INO80D: variants seen among roughly 807,000 people sequenced by gnomAD.
The protein encoded by INO80D is INO80 complex subunit D.
INO80D carries 21 observed loss-of-function variants against 87.6 expected under a neutral mutation model. The ratio of observed to expected loss-of-function variants is 0.24; its 90% CI spans 0.17 to 0.35. INO80D has a LOEUF of 0.35. Ranked by LOEUF, INO80D falls within the 10% of genes least tolerant of loss-of-function variation. INO80D has a pLI of 1.00. For missense variants in INO80D, 982 were observed against 1,280.7 expected, an observed-to-expected ratio of 0.77 and a Z score of 3.56; for synonymous variants, 440 against 491.0, an observed-to-expected ratio of 0.90 and a Z score of 1.37.
intron 1 of INO80D, among the ~76,000 whole-genome samples, chr2:206,070,710 G>A (rs973237791): frequency 6.6e-5 from 10 of 151,376 alleles, no homozygotes; most frequent in Non-Finnish European, 8.8e-5. Flanking sequence ...GCAAGACTCC[G>A]TCTCAAAAAA....
chr2:206,014,828 G>A (rs1014125728), intron 8 of INO80D, among the ~76,000 whole-genome samples: 1 of 152,114 alleles, frequency 6.6e-6, no homozygotes, highest in African/African-American at 2.4e-5. Context: ...AGAAAAATGT[G>A]GGAAAGTTTG....
chr2:206,004,967 G>A lies in INO80D; in HGVS notation c.2485C>T (p.His829Tyr), dbSNP rs1687985060. ...GACGGCACATGCTCACTATCATAAT[G>A]GCTTCCATGGGGTGAGGAGTGTGAG... The part of the protein sequence containing the change: ...DHSHSSPHGS[H>Y]YDSEHVPSPY... Residue 829 changes from histidine (H) to tyrosine (Y), a missense_variant, in exon 11 of 11, where the codon CAT becomes TAT. Coordinates refer to ENST00000403263, the MANE Select transcript of INO80D (RefSeq NM_017759.5). The surrounding 1 kb of genome is among the most constrained non-coding windows in gnomAD (Gnocchi z 4.9). 4 of 1,614,018 alleles carry A rather than the reference G, an allele frequency of 2.5e-6. No homozygotes were observed. Among genetic ancestry groups the A allele is most frequent in the Non-Finnish European group, 3.4e-6 (4 of 1,179,886 alleles).
At chr2:206,021,120 G>C (rs1166128671) in intron 6 of INO80D, among the ~76,000 whole-genome samples, 1 of 152,124 alleles carries the variant, frequency 6.6e-6, no homozygotes, top group African/African-American at 2.4e-5. Context: ...ACAAGTCTGA[G>C]TATGAGGAAA....
At chr2:206,021,637 G>A (rs1216817878) in intron 6 of INO80D, among the ~76,000 whole-genome samples, 6 of 151,996 alleles carry the variant, frequency 3.9e-5, no homozygotes, top group South Asian at 2.1e-4. Flanking sequence ...ATTTTGAGAC[G>A]GAGTTTTGCT....
chr2:206,021,194 T>G (rs1280814354), intron 6 of INO80D, among the ~76,000 whole-genome samples: 1 of 152,222 alleles, frequency 6.6e-6, no homozygotes, highest in African/African-American at 2.4e-5. Flanking sequence ...TTGAGTTGTT[T>G]GTTTCTAGTA....
In INO80D at chr2:206,019,840, C is replaced by G. The variant is rs375971675; in HGVS notation, c.1304G>C (p.Ser435Thr). 2.5e-6 allele frequency: 4 copies of G among 1,613,224 alleles called. No individual in the cohort carries two copies. The African/African-American group carries it at 5.3e-5, about 22-fold the overall frequency. ...RRAACSRTSI[S>T]RTKLREVEPA... ...TTCCACCTCCCTCAGCTTGGTCCGGCTTATGCTAAGGAAAGAAAAACAGAG... is the reference window on the plus strand; with the variant it reads ...TTCCACCTCCCTCAGCTTGGTCCGGGTTATGCTAAGGAAAGAAAAACAGAG... Residue 435 changes from serine (S) to threonine (T), a missense_variant, in exon 7 of 11, where the codon AGC becomes ACC. Transcript: ENST00000403263.
rs746344310 is a variant in INO80D, at chr2:206,004,993, T to A, written c.2459A>T (p.His820Leu). Reference sequence around the variant, plus strand: ...GCTTCCATGGGGTGAGGAGTGTGAGTGATCACTGCTGTATTGCTGTCGTGA... The same window carrying A: ...GCTTCCATGGGGTGAGGAGTGTGAGAGATCACTGCTGTATTGCTGTCGTGA... Reference protein sequence around the residue: ...ITSRQQYSSDHSHSSPHGSHY... With the variant: ...ITSRQQYSSDLSHSSPHGSHY... Residue 820 changes from histidine to leucine, a missense_variant, in exon 11 of 11, where the codon CAC (histidine) becomes CTC (leucine). Transcript: ENST00000403263. This position sits in a 1 kb window ranked among gnomAD's most constrained non-coding sequence, Gnocchi z 4.9. 1 of 1,613,852 alleles carries A rather than the reference T, an allele frequency of 6.2e-7. No individual in the cohort carries two copies. The highest frequency in any genetic ancestry group is 8.5e-7 in the Non-Finnish European group (1 of 1,179,852).
intron 4 of INO80D, among the ~76,000 whole-genome samples, chr2:206,054,453 C>T (rs1014895050): frequency 2.6e-5 from 4 of 152,182 alleles, no homozygotes. Flanking sequence ...TATATCCTTA[C>T]ATTTTGATTT....
At chr2:206,084,268 CACA>C (rs754224990) in intron 1 of INO80D, among the ~76,000 whole-genome samples, 1,957 of 147,530 alleles carry the variant, frequency 0.013, 19 homozygotes, top group Non-Finnish European at 0.021. Context: ...CACACACACA[CACA>C]CACCCCAAAA....
intron 5 of INO80D, 33 bp downstream of exon 5, chr2:206,046,471 A>AG (rs773558971): frequency 7.5e-6 from 11 of 1,464,642 alleles, no homozygotes; most frequent in Non-Finnish European, 1.1e-5. Context: ...CCGTCTCAAA[A>AG]AAAAAAGAAT....
At position 206,005,295 on chromosome 2, in the gene INO80D, C is replaced by A. The variant is rs759114347; in HGVS notation, c.2157G>T (p.Gly719=). ...TAGAAAAATTATCATGTACTATACGCCCATTCAATAGCTCCCCTAGGTCTG... is the reference window on the plus strand; with the variant it reads ...TAGAAAAATTATCATGTACTATACGACCATTCAATAGCTCCCCTAGGTCTG... The part of the protein sequence containing the change: ...VNTDLGELLN[G]RIVHDNFSSL... The change falls in exon 11 of 11, where the codon GGG becomes GGT. Residue 719 remains glycine (G), a synonymous_variant. Transcript: ENST00000403263. 1 of 1,613,906 alleles carries A rather than the reference C, an allele frequency of 6.2e-7. No homozygotes were observed. The highest frequency in any genetic ancestry group is 1.3e-5 in the African/African-American group (1 of 74,918).
At chr2:206,052,732 C>T (rs1026516453) in intron 4 of INO80D, among the ~76,000 whole-genome samples, 3 of 150,998 alleles carry the variant, frequency 2.0e-5, no homozygotes, top group Admixed American at 2.0e-4. Flanking sequence ...GTCAAGGCAG[C>T]AGTGAGCCAT....
chr2:206,063,257 C>A lies in INO80D; in HGVS notation c.-123-13G>T. 5.6e-6 allele frequency: 3 copies of A among 539,496 alleles called. No individual in the cohort carries two copies. Among genetic ancestry groups the A allele is most frequent in the Admixed American group, 4.0e-5 (1 of 24,982 alleles). The allele number at this position is 539,496 out of a possible 1,614,324, so 33.4% of individuals were successfully genotyped here. ...TGAAGCAGATTGTCTATAAAAATAT[C>A]AAAAGGCCTAGTTAACAAACAGAAA... is the stretch of plus-strand genomic sequence containing the variant. On this transcript the variant is annotated splice_polypyrimidine_tract_variant and intron_variant, in intron 1 of 10. Transcript: ENST00000403263.
At chr2:206,076,363 G>A (rs1470288652) in intron 1 of INO80D, among the ~76,000 whole-genome samples, 1 of 152,106 alleles carries the variant, frequency 6.6e-6, no homozygotes, top group African/African-American at 2.4e-5. Context: ...TCCATGTTAT[G>A]TACTTTTTAA....
intron 1 of INO80D, among the ~76,000 whole-genome samples, chr2:206,072,236 T>G (rs1249062002): frequency 1.3e-5 from 2 of 152,016 alleles, no homozygotes; most frequent in African/African-American, 4.8e-5. Context: ...TCACTGCACT[T>G]AATAGCACTA....
chr2:206,074,343 G>A (rs1559465502), intron 1 of INO80D, among the ~76,000 whole-genome samples: 1 of 152,208 alleles, frequency 6.6e-6, no homozygotes, highest in African/African-American at 2.4e-5. Flanking sequence ...GCCGGGCACG[G>A]AGGGTCACGC....
In INO80D at chr2:206,056,528, G is replaced by T. The variant is rs1559456521; in HGVS notation, c.634C>A (p.Leu212Met). ...TTTAAAGAAGTAGATAAAGGTGACA[G>T]GTGGGAGTGCTGCTGCGGAGGCTGC... ...QQQPPQQHSH[L>M]SPLSTSLKPP... Residue 212 changes from leucine (L) to methionine (M), a missense_variant, in exon 4 of 11, where the codon CTG becomes ATG. Physicochemically the swap from Leu to Met is conservative, Grantham distance 15. Coordinates refer to ENST00000403263, the MANE Select transcript of INO80D (RefSeq NM_017759.5). The T allele has an allele frequency of 1.9e-6, 3 of 1,613,426 alleles. No homozygotes were observed. The highest frequency in any genetic ancestry group is 2.5e-6 in the Non-Finnish European group (3 of 1,179,632).
chr2:206,029,190 C>G (rs902800555), intron 5 of INO80D, among the ~76,000 whole-genome samples: 7 of 152,038 alleles, frequency 4.6e-5, no homozygotes, highest in Admixed American at 3.9e-4. Flanking sequence ...GCCCGGCCTT[C>G]TACCATGTAT....
In INO80D at chr2:206,083,697, T is replaced by C. The variant is rs188854743; in HGVS notation, c.-124+2204A>G. On this transcript the variant is annotated intron_variant, in intron 1 of 10. Transcript: ENST00000403263. ...TTCGAAGCCTCACGGAAGTCAGCAC[T>C]GAAAGTCGTGGGTGACCCATTGCCC... 3.9e-5 allele frequency among the ~76,000 whole-genome samples: 6 copies of C among 152,170 alleles called. No individual in the cohort carries two copies. In the East Asian group the frequency reaches 1.2e-3, roughly 30 times the overall value.
Sources: gnomAD v4.1 joint callset for allele counts (sites outside exome capture counted in the v4.1 genomes callset) on GRCh38, gnomAD v4.1.1 for gene constraint, Gnocchi (gnomAD v3.1) non-coding constraint, MANE v1.5 for transcripts, NCBI Gene and HGNC (gene_info 2026-07-23, HGNC 2026-07-21) for gene names.